The following LRBA variants were observed in gnomAD, a reference collection of about 807,000 sequenced individuals.
LRBA encodes the protein lipopolysaccharide-responsive and beige-like anchor protein.
A neutral mutation model predicts 330.0 loss-of-function variants in LRBA; 176 were observed. The ratio of observed to expected loss-of-function variants is 0.53; its 90% CI spans 0.47 to 0.60. The LOEUF is 0.60. LRBA is among the 20% of genes least tolerant of loss of function. LRBA has a pLI of 0.00. For synonymous variants in LRBA, 1,230 were observed against 1,193.0 expected (o/e 1.03, Z -0.64); for missense variants, 3,259 against 3,444.8 (o/e 0.95, Z 1.35).
At chr4:150,369,704 G>A (rs1432618092) in intron 47 of LRBA, among the ~76,000 whole-genome samples, 8 of 151,976 alleles carry the variant, frequency 5.3e-5, no homozygotes, top group Non-Finnish European at 7.4e-5. Flanking sequence ...AGTATTGTAC[G>A]TATATAAAAA....
chr4:150,863,855 AC>A (rs1752317139), intron 22 of LRBA, among the ~76,000 whole-genome samples: 1 of 152,186 alleles, frequency 6.6e-6, no homozygotes, highest in African/African-American at 2.4e-5. Flanking sequence ...ACTCAAAAAG[AC>A]TAATCTATTC....
chr4:150,465,183 C>G (rs1313534494), intron 44 of LRBA, among the ~76,000 whole-genome samples: 1 of 152,078 alleles, frequency 6.6e-6, no homozygotes, highest in Non-Finnish European at 1.5e-5. Flanking sequence ...CTTATTTCAC[C>G]TAGCATAACA....
intron 37 of LRBA, among the ~76,000 whole-genome samples, chr4:150,644,593 G>C (rs188551698): frequency 3.7e-4 from 56 of 151,912 alleles, no homozygotes; most frequent in African/African-American, 1.3e-3. Context: ...AATAAATAAA[G>C]CAAATGATTC....
At position 150,265,618 on chromosome 4, in the gene LRBA, C is replaced by CTTCT. The variant is rs1745204279; in HGVS notation, c.*100_*103dup. ...ATTAATAACTTTAAAAAATATTTTG[C>CTTCT]TTCTTTGAGCAAATTTAAGTTACAT... On this transcript the variant is annotated 3_prime_UTR_variant, in exon 57 of 57. Transcript: ENST00000651943. The CTTCT allele has an allele frequency of 5.3e-6, 4 of 748,244 alleles. No homozygotes were observed. The highest frequency in any genetic ancestry group is 2.3e-6 in the Non-Finnish European group (1 of 434,990). 46.4% of individuals were successfully genotyped at this position (748,244 alleles called of 1,614,324 possible).
chr4:150,809,362 C>G (rs1578853279), intron 31 of LRBA, among the ~76,000 whole-genome samples: 2 of 152,096 alleles, frequency 1.3e-5, no homozygotes, highest in African/African-American at 4.8e-5. Flanking sequence ...ATGGCTGATT[C>G]AAGATCTGTG....
intron 37 of LRBA, among the ~76,000 whole-genome samples, chr4:150,677,828 GAA>G (rs1561505112): frequency 2.1e-3 from 66 of 31,948 alleles, no homozygotes; most frequent in African/African-American, 5.3e-3. Flanking sequence ...AAAAGAAAAA[GAA>G]AAAAGAAAAG....
intron 48 of LRBA, among the ~76,000 whole-genome samples, chr4:150,335,853 T>C (rs1581045254): frequency 6.6e-6 from 1 of 151,988 alleles, no homozygotes; most frequent in Non-Finnish European, 1.5e-5. Context: ...TGTGCCACCA[T>C]GCCTGGCTGA....
At chr4:150,426,079 A>G (rs1007222770) in intron 46 of LRBA, among the ~76,000 whole-genome samples, 1 of 152,064 alleles carries the variant, frequency 6.6e-6, no homozygotes, top group Non-Finnish European at 1.5e-5. Flanking sequence ...TTGTTAGCCC[A>G]TAATAAAACT....
chr4:150,720,068 CTG>C (rs1371668486), intron 36 of LRBA, among the ~76,000 whole-genome samples: 1 of 152,082 alleles, frequency 6.6e-6, no homozygotes, highest in Non-Finnish European at 1.5e-5. Context: ...AAAAATCAAA[CTG>C]TAGCTCAGGA....
intron 18 of LRBA, 37 bp from the exon 19 acceptor site, chr4:150,871,490 C>CACAGAAAAGCTCTACA: frequency 8.1e-7 from 1 of 1,239,632 alleles, no homozygotes; most frequent in Non-Finnish European, 1.2e-6. Context: ...AAATGTAGAG[C>CACAGAAAAGCTCTACA]TTTTCTGTGC....
At chr4:150,836,532 G>C (rs1748107162) in intron 28 of LRBA, among the ~76,000 whole-genome samples, 1 of 151,036 alleles carries the variant, frequency 6.6e-6, no homozygotes, top group South Asian at 2.1e-4. Context: ...AGTCTTGGGA[G>C]GGTGTCCAGG....
At chr4:150,727,082 T>TC (rs1427084902) in intron 36 of LRBA, among the ~76,000 whole-genome samples, 1 of 137,286 alleles carries the variant, frequency 7.3e-6, no homozygotes, top group East Asian at 2.1e-4. Flanking sequence ...TTTTTTTTTT[T>TC]TTTTTTTTGA....
chr4:150,319,764 T>C (rs1561007802), intron 50 of LRBA, among the ~76,000 whole-genome samples: 1 of 152,158 alleles, frequency 6.6e-6, no homozygotes, highest in Non-Finnish European at 1.5e-5. Context: ...CAACTACAGA[T>C]TCTTTGTGGT....
At chr4:150,609,290 GA>G (rs1311686696) in intron 37 of LRBA, among the ~76,000 whole-genome samples, 2 of 152,172 alleles carry the variant, frequency 1.3e-5, no homozygotes, top group Non-Finnish European at 2.9e-5. Context: ...TCACCAATAT[GA>G]AATGGAAACC....
intron 53 of LRBA, among the ~76,000 whole-genome samples, chr4:150,295,194 CTTTTTTTTTTT>C (rs146893381): frequency 1.8e-5 from 2 of 113,828 alleles, no homozygotes; most frequent in African/African-American, 7.0e-5. Flanking sequence ...ATTAAAATAG[CTTTTTTTTTTT>C]TTTTTTTTTT....
At chr4:150,941,875 T>A (rs1490581271) in intron 2 of LRBA, among the ~76,000 whole-genome samples, 2 of 147,044 alleles carry the variant, frequency 1.4e-5, no homozygotes, top group Non-Finnish European at 3.0e-5. Context: ...CAAGACTCTG[T>A]CTCAAAAAAA....
chr4:150,493,778 T>G (rs28410091), intron 40 of LRBA, among the ~76,000 whole-genome samples: 1 of 152,192 alleles, frequency 6.6e-6, no homozygotes, highest in African/African-American at 2.4e-5. Flanking sequence ...CCAATATATG[T>G]TCTGCAACAT....
chr4:150,467,336 C>T (rs1193897597), intron 44 of LRBA, among the ~76,000 whole-genome samples: 1 of 152,072 alleles, frequency 6.6e-6, no homozygotes, highest in Non-Finnish European at 1.5e-5. Context: ...CAATGTACCA[C>T]TGGATACCCC....
chr4:150,422,816 G>T, intron 46 of LRBA: 1 of 1,467,612 alleles, frequency 6.8e-7, no homozygotes, highest in Non-Finnish European at 9.5e-7. Context: ...GTTTGCCCTG[G>T]AACTTGCCCT....
Sources: allele counts gnomAD v4.1 joint callset (sites outside exome capture counted in the v4.1 genomes callset), GRCh38; gene constraint gnomAD v4.1.1; transcripts MANE v1.5; gene names NCBI Gene and HGNC (gene_info 2026-07-23, HGNC 2026-07-21).